PTPRE: variants seen among roughly 807,000 people sequenced by gnomAD.
The protein encoded by PTPRE is protein tyrosine phosphatase receptor type E.
A neutral mutation model predicts 102.0 loss-of-function variants in PTPRE; 51 were observed. The ratio of observed to expected loss-of-function variants is 0.50; its 90% CI spans 0.40 to 0.63. The LOEUF (loss-of-function observed/expected upper bound fraction) is 0.63. PTPRE is among the 30% of genes least tolerant of loss of function. The pLI, the probability that PTPRE is intolerant of heterozygous loss-of-function variation, is 0.00. For missense variants in PTPRE, 752 were observed against 915.1 expected (o/e 0.82, Z 2.30); for synonymous variants, 345 against 348.2 (o/e 0.99, Z 0.10).
At chr10:127,947,198 T>C (rs1848685705) in intron 1 of PTPRE, among the ~76,000 whole-genome samples, 1 of 152,210 alleles carries the variant, frequency 6.6e-6, no homozygotes, top group Non-Finnish European at 1.5e-5. Flanking sequence ...TATAATACAG[T>C]GATCACATTT....
chr10:128,022,022 C>T (rs1488329210), intron 2 of PTPRE, among the ~76,000 whole-genome samples: 2 of 152,162 alleles, frequency 1.3e-5, no homozygotes, highest in Non-Finnish European at 1.5e-5. Context: ...CCCCTGGACG[C>T]GGTAATGGAA....
At chr10:127,988,564 C>T (rs530230515) in intron 2 of PTPRE, among the ~76,000 whole-genome samples, 2 of 152,244 alleles carry the variant, frequency 1.3e-5, no homozygotes, top group South Asian at 4.1e-4. Flanking sequence ...CTTGGTCTCC[C>T]AAAGTGCTGG....
chr10:128,011,234 T>C (rs770253764), intron 2 of PTPRE, among the ~76,000 whole-genome samples: 14 of 152,084 alleles, frequency 9.2e-5, no homozygotes, highest in Non-Finnish European at 1.9e-4. Flanking sequence ...GGCTGGGACA[T>C]GGGTGTGAGG....
rs1448939451 is a variant in PTPRE, at chr10:128,068,201, T to G, written c.922T>G (p.Phe308Val). ...CAGCTGGCCCGACTTCGGAGTGCCT[T>G]TTACCCCCATTGGGATGCTGAAGTT... ...FTSWPDFGVP[F>V]TPIGMLKFLK... The change falls in exon 12 of 21, where the codon TTT (phenylalanine) becomes GTT (valine). Residue 308 changes from phenylalanine (F) to valine (V), a missense_variant. By Grantham distance (50) the Phe-to-Val change is conservative. Coordinates refer to ENST00000254667, the MANE Select transcript of PTPRE (RefSeq NM_006504.6). The G allele has an allele frequency of 6.2e-7, 1 of 1,614,036 alleles. No individual in the cohort carries two copies. Among genetic ancestry groups the G allele is most frequent in the Non-Finnish European group, 8.5e-7 (1 of 1,180,012 alleles).
chr10:128,050,238 G>GTGGA (rs1291884862), intron 6 of PTPRE, among the ~76,000 whole-genome samples: 6 of 151,140 alleles, frequency 4.0e-5, no homozygotes, highest in African/African-American at 1.5e-4. Context: ...GGATGGATGG[G>GTGGA]TGGATGGATG....
intron 2 of PTPRE, among the ~76,000 whole-genome samples, chr10:128,014,304 A>G (rs1845254521): frequency 6.6e-6 from 1 of 152,146 alleles, no homozygotes; most frequent in Non-Finnish European, 1.5e-5. Context: ...CTTAGTTGCA[A>G]TTTGGGGTCA....
At chr10:127,975,271 G>A (rs1448121515) in intron 1 of PTPRE, among the ~76,000 whole-genome samples, 2 of 152,160 alleles carry the variant, frequency 1.3e-5, no homozygotes, top group African/African-American at 4.8e-5. Context: ...CTCTTCCTGT[G>A]AGCTTCCAAA....
At chr10:127,952,873 T>C (rs1428959188) in intron 1 of PTPRE, among the ~76,000 whole-genome samples, 1 of 152,170 alleles carries the variant, frequency 6.6e-6, no homozygotes. Context: ...GCAACCACTC[T>C]GGACTTATAG....
At chr10:127,946,712 A>G (rs1848645411) in intron 1 of PTPRE, among the ~76,000 whole-genome samples, 1 of 152,232 alleles carries the variant, frequency 6.6e-6, no homozygotes, top group African/African-American at 2.4e-5. Context: ...GAAAGTGGGT[A>G]CAGAAAAGGG....
rs867681573 is a variant in PTPRE, at chr10:128,028,809, C to T, written c.-7-12066C>T. Among the ~76,000 whole-genome samples the T allele has an allele frequency of 1.3e-5, 2 of 152,158 alleles. No homozygotes were observed. Among genetic ancestry groups the T allele is most frequent in the African/African-American group, 4.8e-5 (2 of 41,430 alleles). On this transcript the variant is annotated intron_variant, in intron 2 of 20. Transcript: ENST00000254667. The surrounding 1 kb of genome is among the most constrained non-coding windows in gnomAD (Gnocchi z 4.5). ...CTCTGGGATGCGACCCAGTCCCCAC[C>T]CATGGCCACTCACTTCCACCCTGCC...
chr10:128,082,257 G>A (rs1851794254), intron 20 of PTPRE, among the ~76,000 whole-genome samples: 1 of 127,504 alleles, frequency 7.8e-6, no homozygotes, highest in African/African-American at 3.0e-5. Flanking sequence ...CTAGGCTGGA[G>A]TGCAGTGGTG....
intron 6 of PTPRE, among the ~76,000 whole-genome samples, chr10:128,051,281 G>C: frequency 6.6e-6 from 1 of 152,224 alleles, no homozygotes; most frequent in Non-Finnish European, 1.5e-5. Context: ...GGTGGGGCAG[G>C]TGAGACACTC....
At chr10:127,910,146 A>G (rs1248989017) in intron 1 of PTPRE, among the ~76,000 whole-genome samples, 3 of 152,212 alleles carry the variant, frequency 2.0e-5, no homozygotes, top group Admixed American at 2.0e-4. Context: ...CCTTCTTAAT[A>G]TTTGAATATC....
intron 2 of PTPRE, among the ~76,000 whole-genome samples, chr10:127,992,729 C>A (rs1852806946): frequency 6.6e-6 from 1 of 152,196 alleles, no homozygotes. Flanking sequence ...CCAAATACAG[C>A]ATCAGGAGCC....
chr10:127,920,745 T>C (rs1202216903), intron 1 of PTPRE, among the ~76,000 whole-genome samples: 1 of 152,160 alleles, frequency 6.6e-6, no homozygotes, highest in African/African-American at 2.4e-5. Flanking sequence ...ATGACTCAAG[T>C]TCAGTCAAGT....
intron 19 of PTPRE, among the ~76,000 whole-genome samples, chr10:128,078,731 A>G (rs188745941): frequency 1.1e-3 from 169 of 152,358 alleles, no homozygotes; most frequent in African/African-American, 3.8e-3. Flanking sequence ...CCAAGAAATC[A>G]TTTAGGATAA....
In PTPRE at chr10:127,914,732, G is replaced by A. The variant is rs376205782; in HGVS notation, c.-31+7423G>A. ...AGGGCGCTTTCCCACTGTTCTAGAC[G>A]TAGGAGAGAAAGCACTTCTCAGATG... On this transcript the variant is annotated intron_variant, in intron 1 of 20. Coordinates refer to ENST00000254667, the MANE Select transcript of PTPRE (RefSeq NM_006504.6). Among the ~76,000 whole-genome samples the A allele has an allele frequency of 1.3e-4, 20 of 152,248 alleles. No homozygotes were observed. The South Asian group carries it at 3.7e-3, about 28-fold the overall frequency.
chr10:127,986,785 C>G (rs1852125365), intron 2 of PTPRE, among the ~76,000 whole-genome samples: 1 of 152,256 alleles, frequency 6.6e-6, no homozygotes, highest in Non-Finnish European at 1.5e-5. Flanking sequence ...TTTCTGGCTG[C>G]ATCCGCTGGG....
chr10:128,037,971 T>C (rs1399321846), intron 2 of PTPRE, among the ~76,000 whole-genome samples: 1 of 149,492 alleles, frequency 6.7e-6, no homozygotes, highest in Non-Finnish European at 1.5e-5. Flanking sequence ...TTTTTTTTTT[T>C]TTTTTTTTTG....
Sources: allele counts gnomAD v4.1 joint callset (sites outside exome capture counted in the v4.1 genomes callset), GRCh38; gene constraint gnomAD v4.1.1; non-coding constraint Gnocchi (gnomAD v3.1); transcripts MANE v1.5; gene names NCBI Gene and HGNC (gene_info 2026-07-23, HGNC 2026-07-21).